Variants in TRPC6 observed in about 807,000 individuals in gnomAD.
The protein encoded by TRPC6 is short transient receptor potential channel 6.
Under a neutral mutation model 90.7 loss-of-function variants are expected in TRPC6, and 55 were observed. The ratio of observed to expected loss-of-function variants is 0.61; its 90% confidence interval spans 0.49 to 0.76. The LOEUF (loss-of-function observed/expected upper bound fraction) is 0.76, where lower values mean the gene tolerates loss of function less well. Ranked by LOEUF, TRPC6 falls within the 30% of genes least tolerant of loss-of-function variation. TRPC6 has a pLI of 0.00. For missense variants in TRPC6, 989 were observed against 1,122.7 expected (o/e 0.88, Z 1.70); for synonymous variants, 393 against 393.0 (o/e 1.00, Z 0.00).
chr11:101,476,237 A>G (rs1044608258), intron 6 of TRPC6, 64 bp downstream of exon 6: 28 of 1,361,044 alleles, frequency 2.1e-5, no homozygotes, highest in Non-Finnish European at 2.6e-5. Flanking sequence ...CCGAACTACT[A>G]CTGACATCTG....
intron 10 of TRPC6, among the ~76,000 whole-genome samples, chr11:101,465,098 G>C (rs1383160277): frequency 6.6e-6 from 1 of 152,150 alleles, no homozygotes; most frequent in Non-Finnish European, 1.5e-5. Context: ...TTTTCTTTAA[G>C]GATGTTGAAT....
intron 12 of TRPC6, 30 bp downstream of exon 12, chr11:101,453,620 G>A: frequency 1.2e-6 from 2 of 1,609,228 alleles, no homozygotes; most frequent in South Asian, 1.1e-5. Flanking sequence ...CTCACATTCA[G>A]GGGCTGATTT....
rs1298560530 is a variant in TRPC6 at position 101,451,922 on chromosome 11, C to A, written c.*1033G>T. 6.6e-6 allele frequency: 1 copy of A among 152,154 alleles called. No individual in the cohort carries two copies. Among genetic ancestry groups the A allele is most frequent in the Non-Finnish European group, 1.5e-5 (1 of 68,032 alleles). 9.4% of individuals were successfully genotyped at this position (152,154 alleles called of 1,614,324 possible). Reference sequence around the variant, plus strand: ...GATCAGTAAGTAACAACAACAACCTCTTGGTAAATGCACATGAATGCAAAT... The same window carrying A: ...GATCAGTAAGTAACAACAACAACCTATTGGTAAATGCACATGAATGCAAAT... On this transcript the variant is annotated 3_prime_UTR_variant, in exon 13 of 13. Coordinates refer to ENST00000344327, the MANE Select transcript of TRPC6 (RefSeq NM_004621.6).
intron 10 of TRPC6, among the ~76,000 whole-genome samples, chr11:101,456,500 A>T (rs1858886352): frequency 6.6e-6 from 1 of 152,170 alleles, no homozygotes; most frequent in African/African-American, 2.4e-5. Context: ...CAGGCTCATA[A>T]CCATCATGTC....
chr11:101,554,472 G>T (rs1184818141), intron 1 of TRPC6, among the ~76,000 whole-genome samples: 2 of 151,838 alleles, frequency 1.3e-5, no homozygotes, highest in African/African-American at 4.8e-5. Flanking sequence ...AATCCTTAAT[G>T]TTTCCCATGT....
Position 101,535,463 on chromosome 11 carries a change from T to G in TRPC6, c.171-30665A>C, listed in dbSNP as rs181186804. 1.1e-3 allele frequency among the ~76,000 whole-genome samples: 167 copies of G among 152,242 alleles called. 1 individual carries two copies. The highest frequency in any genetic ancestry group is 3.9e-3 in the African/African-American group (160 of 41,542). On this transcript the variant is annotated intron_variant, in intron 1 of 12. Transcript: ENST00000344327. ...TAAAAGATATTTGTCTATTTCTCTTTCAAACTTTCTGAGTCTTTTTAATGA... is the reference window on the plus strand; with the variant it reads ...TAAAAGATATTTGTCTATTTCTCTTGCAAACTTTCTGAGTCTTTTTAATGA...
rs886047535 is a variant in TRPC6, at chr11:101,451,779, A to G, written c.*1176T>C. The G allele has an allele frequency of 6.6e-6, 1 of 152,316 alleles. No individual in the cohort carries two copies. The highest frequency in any genetic ancestry group is 1.9e-4 in the East Asian group (1 of 5,192). 9.4% of individuals were successfully genotyped at this position (152,316 alleles called of 1,614,324 possible). On this transcript the variant is annotated 3_prime_UTR_variant, in exon 13 of 13. Coordinates refer to ENST00000344327, the MANE Select transcript of TRPC6 (RefSeq NM_004621.6). The stretch of plus-strand genomic sequence containing the variant: ...TAAAGATTTGCATTTGAAATCTCCC[A>G]TTATTGAATTGGAAGTAGCAGTTCC...
intron 8 of TRPC6, 106 bp from the exon 9 acceptor site, chr11:101,471,492 T>C: frequency 8.6e-7 from 1 of 1,167,438 alleles, no homozygotes; most frequent in Non-Finnish European, 1.3e-6. Flanking sequence ...ATAAACACTC[T>C]CAGACCCCAG....
In TRPC6 at chr11:101,454,999, T is replaced by G. The variant is rs1439261983; in HGVS notation, c.2568+19A>C. On this transcript the variant is annotated intron_variant, in intron 11 of 12. Coordinates refer to ENST00000344327, the MANE Select transcript of TRPC6 (RefSeq NM_004621.6). ...TATTACAAGTAACTAGTTTTATTCC[T>G]TTAAAAATCCATGCTTACCTGATAT... The G allele has an allele frequency of 5.0e-6, 8 of 1,596,098 alleles. No individual in the cohort carries two copies. The highest frequency in any genetic ancestry group is 6.9e-6 in the Non-Finnish European group (8 of 1,165,208).
In TRPC6 at chr11:101,488,955, C is replaced by T. The variant is rs1269061700; in HGVS notation, c.1275G>A (p.Trp425Ter). ...TACATACCTTGCTGCATGGAGCAAA[C>T]CAGTAAATGAGAGCCAGGAAGGGCA... ...IGLPFLALIY[W>*]FAPCSKMGKI... Residue 425 changes from tryptophan to a stop codon, truncating the protein, a stop_gained, in exon 4 of 13, where the codon TGG becomes TGA. Transcript: ENST00000344327. LOFTEE classifies it high-confidence loss of function. 1 of 1,614,080 alleles carries T rather than the reference C, an allele frequency of 6.2e-7. No individual in the cohort carries two copies. The highest frequency in any genetic ancestry group is 1.7e-5 in the Admixed American group (1 of 60,016).
At chr11:101,508,117 CACAA>C (rs1182310276) in intron 1 of TRPC6, among the ~76,000 whole-genome samples, 3 of 151,920 alleles carry the variant, frequency 2.0e-5, no homozygotes, top group East Asian at 1.9e-4. Flanking sequence ...CTTTTAAAGG[CACAA>C]ACATTTTTTC....
intron 2 of TRPC6, among the ~76,000 whole-genome samples, chr11:101,498,408 G>A (rs992723712): frequency 6.6e-6 from 1 of 152,078 alleles, no homozygotes; most frequent in East Asian, 1.9e-4. Context: ...TCTTGTTCCT[G>A]TGGCTCCATC....
At chr11:101,540,970 G>T (rs931914383) in intron 1 of TRPC6, among the ~76,000 whole-genome samples, 5 of 152,226 alleles carry the variant, frequency 3.3e-5, no homozygotes, top group Middle Eastern at 3.4e-3. Context: ...AGAGTATTTT[G>T]AAACTTGCTT....
chr11:101,509,574 A>G (rs1860352659), intron 1 of TRPC6, among the ~76,000 whole-genome samples: 1 of 152,140 alleles, frequency 6.6e-6, no homozygotes, highest in African/African-American at 2.4e-5. Context: ...ACAATCTATG[A>G]CTTTCCTGCC....
intron 10 of TRPC6, among the ~76,000 whole-genome samples, chr11:101,466,132 CT>C (rs563265733): frequency 1.3e-5 from 2 of 152,276 alleles, no homozygotes; most frequent in East Asian, 3.9e-4. Flanking sequence ...GCTGCCTGTT[CT>C]TTCCTCTTGA....
chr11:101,454,957 T>TA (rs1169133517), intron 11 of TRPC6, 61 bp downstream of exon 11: 32 of 1,301,910 alleles, frequency 2.5e-5, no homozygotes, highest in Admixed American at 2.4e-4. Flanking sequence ...AAGAATCACA[T>TA]AGTTCAAGAA....
chr11:101,462,978 G>A (rs565657021), intron 10 of TRPC6, among the ~76,000 whole-genome samples: 5 of 152,200 alleles, frequency 3.3e-5, no homozygotes, highest in African/African-American at 9.6e-5. Context: ...TTTAAGATAC[G>A]TCCCATCAAT....
intron 1 of TRPC6, among the ~76,000 whole-genome samples, chr11:101,514,093 C>T (rs147961863): frequency 3.2e-4 from 48 of 152,282 alleles, no homozygotes; most frequent in Non-Finnish European, 6.0e-4. Context: ...CTTTTCTTTG[C>T]TGATGTGATA....
intron 2 of TRPC6, among the ~76,000 whole-genome samples, chr11:101,494,334 A>G (rs1859893955): frequency 6.6e-6 from 1 of 152,200 alleles, no homozygotes; most frequent in Non-Finnish European, 1.5e-5. Flanking sequence ...TTTTATAGGT[A>G]AGAACACTGA....
Sources: gnomAD v4.1 joint callset for allele counts (sites outside exome capture counted in the v4.1 genomes callset) on GRCh38, gnomAD v4.1.1 for gene constraint, MANE v1.5 for transcripts, NCBI Gene and HGNC (gene_info 2026-07-23, HGNC 2026-07-21) for gene names.